RCOR3: variants seen among roughly 807,000 people sequenced by gnomAD.
RCOR3 encodes REST corepressor 3.
RCOR3 carries 13 observed loss-of-function variants against 64.1 expected under a neutral mutation model. That is an observed-to-expected ratio of 0.20 (90% CI 0.13 to 0.32). The LOEUF is 0.32. Ranked by LOEUF, RCOR3 falls within the 10% of genes least tolerant of loss-of-function variation. The probability of loss-of-function intolerance (pLI) is 1.00; values close to 1 mark genes in which losing one functional copy is unlikely to be tolerated. For synonymous variants in RCOR3, 215 were observed against 239.0 expected (o/e 0.90, Z 0.93); for missense variants, 489 against 701.2 (o/e 0.70, Z 3.42).
rs1306421579 is a variant in RCOR3 at position 211,315,265 on chromosome 1, AT to A, written c.*1500del. The A allele has an allele frequency of 1.3e-5, 2 of 152,142 alleles. No individual in the cohort carries two copies. The highest frequency in any genetic ancestry group is 4.8e-5 in the African/African-American group (2 of 41,442). The allele number at this position is 152,142 out of a possible 1,614,324, so 9.4% of individuals were successfully genotyped here. A position where few individuals can be genotyped will look rare whatever the true frequency, so the allele number is the denominator to read the frequency against. Reference sequence around the variant, plus strand: ...AAAATAGTCAACATCTAAGGCCCTAATTTATGTTTTGAAAGATCATGTGTTC... The same window carrying A: ...AAAATAGTCAACATCTAAGGCCCTAATTATGTTTTGAAAGATCATGTGTTC... On this transcript the variant is annotated 3_prime_UTR_variant, in exon 12 of 12. Transcript: ENST00000419091.
intron 3 of RCOR3, among the ~76,000 whole-genome samples, chr1:211,272,990 A>G (rs944096816): frequency 4.6e-5 from 7 of 152,204 alleles, no homozygotes; most frequent in Admixed American, 1.3e-4. Flanking sequence ...ACCACAGGTC[A>G]GTTGGTATTG....
chr1:211,281,108 T>G (rs1303199675), intron 7 of RCOR3, among the ~76,000 whole-genome samples: 2 of 152,078 alleles, frequency 1.3e-5, no homozygotes, highest in Admixed American at 6.6e-5. Context: ...TCACTGAAAC[T>G]GCTGACAGGT....
chr1:211,313,702 G>T lies in RCOR3; in HGVS notation c.1596G>T (p.Thr532=), dbSNP rs200347813. ...TAAACCCAAGACCGGTGTTGTCCAC[G>T]GTTGGTGGTCAACAGCCACCATCAC... ...PRLNPRPVLS[T]VGGQQPPSLI... Residue 532 remains threonine (T), a synonymous_variant, in exon 12 of 12, where the codon ACG becomes ACT. Transcript: ENST00000419091. This position sits in a 1 kb window ranked among gnomAD's most constrained non-coding sequence, Gnocchi z 4.7. The T allele has an allele frequency of 6.2e-7, 1 of 1,614,044 alleles. No homozygotes were observed. Among genetic ancestry groups the T allele is most frequent in the Non-Finnish European group, 8.5e-7 (1 of 1,180,038 alleles).
chr1:211,299,620 A>T (rs1571972248), intron 9 of RCOR3, among the ~76,000 whole-genome samples: 1 of 150,920 alleles, frequency 6.6e-6, no homozygotes, highest in African/African-American at 2.4e-5. Flanking sequence ...AATGGGAAAG[A>T]TGTGAAAACA....
intron 7 of RCOR3, among the ~76,000 whole-genome samples, chr1:211,281,560 G>T (rs17017352): frequency 6.6e-6 from 1 of 151,990 alleles, no homozygotes; most frequent in African/African-American, 2.4e-5. Context: ...ACATGGTGTC[G>T]TCTGTAGGAT....
chr1:211,268,697 A>G (rs1377888482), intron 2 of RCOR3, among the ~76,000 whole-genome samples: 1 of 152,120 alleles, frequency 6.6e-6, no homozygotes, highest in East Asian at 1.9e-4. Flanking sequence ...CATTGAATAT[A>G]AATTTTTTCA....
chr1:211,260,100 C>T lies in RCOR3; in HGVS notation c.167-8C>T, dbSNP rs1327251432. Reference sequence around the variant, plus strand: ...TTTTTATATATATTTTTTGGCATTGCTTTGCAGATGTTGGGATGAGAGTCG... The same window carrying T: ...TTTTTATATATATTTTTTGGCATTGTTTTGCAGATGTTGGGATGAGAGTCG... On this transcript the variant is annotated splice_polypyrimidine_tract_variant and splice_region_variant and intron_variant, in intron 1 of 11. Coordinates refer to ENST00000419091, the MANE Select transcript of RCOR3 (RefSeq NM_001136223.3). The T allele has an allele frequency of 2.5e-6, 4 of 1,606,284 alleles. No homozygotes were observed. Among genetic ancestry groups the T allele is most frequent in the African/African-American group, 2.7e-5 (2 of 74,472 alleles).
At chr1:211,285,282 A>G (rs750881599) in intron 7 of RCOR3, among the ~76,000 whole-genome samples, 6 of 152,204 alleles carry the variant, frequency 3.9e-5, no homozygotes, top group Non-Finnish European at 7.3e-5. Context: ...TTCAACATCA[A>G]GTAGGTTGTT....
chr1:211,280,040 G>C (rs984108215), intron 7 of RCOR3, among the ~76,000 whole-genome samples: 2 of 152,082 alleles, frequency 1.3e-5, no homozygotes, highest in African/African-American at 2.4e-5. Context: ...TTTTTTCTTA[G>C]TAAAATGAAA....
chr1:211,289,314 T>C lies in RCOR3; in HGVS notation c.857T>C (p.Val286Ala). The change falls in exon 8 of 12, where the codon GTG (valine) becomes GCG (alanine). Residue 286 changes from valine to alanine, a missense_variant. By Grantham distance (64) the Val-to-Ala change is moderately conservative. Transcript: ENST00000419091. ...PKGMYLTQED[V>A]VAVSCSPNAA... ...GGCATGTATTTAACCCAGGAAGATGTGGTAGCAGTTTCCTGTAGTCCCAAT... is the reference window on the plus strand; with the variant it reads ...GGCATGTATTTAACCCAGGAAGATGCGGTAGCAGTTTCCTGTAGTCCCAAT... The C allele has an allele frequency of 6.2e-7, 1 of 1,614,140 alleles. No homozygotes were observed. The highest frequency in any genetic ancestry group is 8.5e-7 in the Non-Finnish European group (1 of 1,180,016).
At chr1:211,272,196 C>G (rs1247824395) in intron 3 of RCOR3, among the ~76,000 whole-genome samples, 1 of 152,146 alleles carries the variant, frequency 6.6e-6, no homozygotes, top group Non-Finnish European at 1.5e-5. Context: ...AGCTGGTAAT[C>G]TAGAAATTGT....
At chr1:211,263,734 T>C (rs1365112072) in intron 2 of RCOR3, among the ~76,000 whole-genome samples, 1 of 152,258 alleles carries the variant, frequency 6.6e-6, no homozygotes, top group Non-Finnish European at 1.5e-5. Flanking sequence ...TGTGCTGTTG[T>C]GTGAAGTTTT....
chr1:211,292,020 A>G (rs958324488), intron 8 of RCOR3, among the ~76,000 whole-genome samples: 1 of 152,198 alleles, frequency 6.6e-6, no homozygotes, highest in South Asian at 2.1e-4. Flanking sequence ...TAGCAACACA[A>G]GAGAGTCTGA....
intron 9 of RCOR3, among the ~76,000 whole-genome samples, chr1:211,299,389 G>A (rs2102622765): frequency 6.6e-6 from 1 of 152,288 alleles, no homozygotes; most frequent in Admixed American, 6.5e-5. Context: ...GGTAGGTGGA[G>A]GAAAGATTGA....
At chr1:211,302,755 C>G (rs1172657738) in intron 9 of RCOR3, 1 of 152,166 alleles carries the variant, frequency 6.6e-6, no homozygotes, top group Non-Finnish European at 1.5e-5. Context: ...TTTTTATCCA[C>G]CTTCCACAGC....
chr1:211,302,378 G>GA (rs1452974787), intron 9 of RCOR3: 1 of 152,082 alleles, frequency 6.6e-6, no homozygotes, highest in East Asian at 1.9e-4. Context: ...AACCATTAAA[G>GA]AAAAAAGTGA....
At chr1:211,299,206 T>C (rs78721793) in intron 9 of RCOR3, among the ~76,000 whole-genome samples, 4,299 of 152,310 alleles carry the variant, frequency 0.028, 80 homozygotes, top group South Asian at 0.073. Context: ...AAGTCGTCAA[T>C]GATAAAGGGG....
rs1571931383 is a variant in RCOR3, at chr1:211,291,650, C to T, written c.939+2254C>T. On this transcript the variant is annotated intron_variant, in intron 8 of 11. Coordinates refer to ENST00000419091, the MANE Select transcript of RCOR3 (RefSeq NM_001136223.3). ...TGGGATCAAGATTCTCTATCTTAAA[C>T]ATGTTCAGATTTTTCTATTCCTTGG... 1.1e-5 allele frequency: 5 copies of T among 444,644 alleles called. No homozygotes were observed. In the East Asian group the frequency reaches 3.6e-4, roughly 32 times the overall value. 27.5% of individuals were successfully genotyped at this position (444,644 alleles called of 1,614,324 possible). A position where few individuals can be genotyped will look rare whatever the true frequency, so the allele number is the denominator to read the frequency against.
chr1:211,276,529 A>T lies in RCOR3; in HGVS notation c.516+111A>T, dbSNP rs1373527772. 4 of 1,027,278 alleles carry T rather than the reference A, an allele frequency of 3.9e-6. No individual in the cohort carries two copies. In the East Asian group the frequency reaches 1.1e-4, roughly 27 times the overall value. The allele number at this position is 1,027,278 out of a possible 1,614,324, so 63.6% of individuals were successfully genotyped here. A position where few individuals can be genotyped will look rare whatever the true frequency, so the allele number is the denominator to read the frequency against. ...AACATTCTTCAATTTAATTTTAAAA[A>T]CTATTTGTAAGTAGGTATATTTATA... On this transcript the variant is annotated intron_variant, in intron 5 of 11. Transcript: ENST00000419091.
Sources: allele counts gnomAD v4.1 joint callset (sites outside exome capture counted in the v4.1 genomes callset), GRCh38; gene constraint gnomAD v4.1.1; non-coding constraint Gnocchi (gnomAD v3.1); transcripts MANE v1.5; gene names NCBI Gene and HGNC (gene_info 2026-07-23, HGNC 2026-07-21).